DNAH8: variants seen among roughly 807,000 people sequenced by gnomAD.
DNAH8 encodes the protein dynein axonemal heavy chain 8, also known as axonemal beta dynein heavy chain 8.
A neutral mutation model predicts 562.1 loss-of-function variants in DNAH8; 382 were observed. The observed-to-expected ratio is 0.68, with a 90% confidence interval of 0.63 to 0.74. The LOEUF is 0.74. Among genes scored for constraint, DNAH8 ranks in the 30% least tolerant of loss-of-function variants. The pLI is 0.00. For synonymous variants in DNAH8, 1,881 were observed against 1,919.4 expected (o/e 0.98, Z 0.52); for missense variants, 5,203 against 5,620.4 (o/e 0.93, Z 2.37).
At position 38,722,807 on chromosome 6, in the gene DNAH8, G is replaced by C. The variant is rs745848921; in HGVS notation, c.-3G>C. 14 of 1,577,136 alleles carry C rather than the reference G, an allele frequency of 8.9e-6. No homozygotes were observed. The highest frequency in any genetic ancestry group is 8.2e-5 in the African/African-American group (6 of 73,082). ...AAGTATAAAGCATTCCGCACGACGG[G>C]GGATGGAGAAGGATGCTGAAGATGG... On this transcript the variant is annotated 5_prime_UTR_variant, in exon 2 of 93. Coordinates refer to ENST00000327475, the MANE Select transcript of DNAH8 (RefSeq NM_001206927.2).
At chr6:38,953,881 C>T (rs1453660412) in intron 82 of DNAH8, among the ~76,000 whole-genome samples, 1 of 146,826 alleles carries the variant, frequency 6.8e-6, no homozygotes, top group East Asian at 2.0e-4. Flanking sequence ...AAACTATGGT[C>T]TGGAGATAAG....
chr6:39,022,209 T>C (rs1766961826), intron 91 of DNAH8, among the ~76,000 whole-genome samples: 1 of 152,180 alleles, frequency 6.6e-6, no homozygotes, highest in South Asian at 2.1e-4. Context: ...TCTATAACTT[T>C]CATTAAGTGT....
Position 38,722,912 on chromosome 6 carries a change from C to T in DNAH8, c.103C>T (p.Arg35Cys), listed in dbSNP as rs750227332. ...CCGTTCAGAAGAGGAAGAGGCCCCG[C>T]GCCCTCCGACAGTGGAGGCCCCGGC... Reference protein sequence around the residue: ...PPRSEEEEAPRPPTVEAPAED... With the variant: ...PPRSEEEEAPCPPTVEAPAED... The change falls in exon 2 of 93, where the codon CGC becomes TGC. Residue 35 changes from arginine (R) to cysteine (C), a missense_variant. Transcript: ENST00000327475. 4 of 1,612,278 alleles carry T rather than the reference C, an allele frequency of 2.5e-6. No homozygotes were observed. Among genetic ancestry groups the T allele is most frequent in the Non-Finnish European group, 3.4e-6 (4 of 1,179,580 alleles).
In DNAH8 at chr6:38,721,684, T is replaced by C. The variant is rs142456300; in HGVS notation, c.-34-1092T>C. ...AAAGATAGGTCAGTTTGTCCTTGAGTAGGCCAACTAAGTGTATCAAACAAA... is the reference window on the plus strand; with the variant it reads ...AAAGATAGGTCAGTTTGTCCTTGAGCAGGCCAACTAAGTGTATCAAACAAA... On this transcript the variant is annotated intron_variant, in intron 1 of 92. Transcript: ENST00000327475. 2.6e-4 allele frequency among the ~76,000 whole-genome samples: 40 copies of C among 152,246 alleles called. No individual in the cohort carries two copies. The East Asian group carries it at 7.5e-3, about 29-fold the overall frequency.
At position 38,907,951 on chromosome 6, in the gene DNAH8, T is replaced by C; in HGVS notation, c.9349-5T>C. ...ACAGAACACTTCCTTGTCCATTCCTTAAAGATCTCCAACTTGTTTGCACGA... is the reference window on the plus strand; with the variant it reads ...ACAGAACACTTCCTTGTCCATTCCTCAAAGATCTCCAACTTGTTTGCACGA... On this transcript the variant is annotated splice_polypyrimidine_tract_variant and splice_region_variant and intron_variant, in intron 63 of 92. Transcript: ENST00000327475. 6.3e-7 allele frequency: 1 copy of C among 1,590,312 alleles called. No homozygotes were observed. The highest frequency in any genetic ancestry group is 8.5e-7 in the Non-Finnish European group (1 of 1,170,036).
intron 82 of DNAH8, among the ~76,000 whole-genome samples, chr6:38,952,376 A>T (rs1376513194): frequency 2.0e-5 from 3 of 152,146 alleles, no homozygotes; most frequent in Non-Finnish European, 4.4e-5. Flanking sequence ...GCCATCCTGT[A>T]AGAAGGACTG....
chr6:38,742,371 C>T (rs1369122402), intron 8 of DNAH8, among the ~76,000 whole-genome samples: 2 of 152,132 alleles, frequency 1.3e-5, no homozygotes, highest in African/African-American at 4.8e-5. Flanking sequence ...GTTCACAGCT[C>T]ACTGCAGCCT....
chr6:38,974,315 C>T (rs1763535420), intron 84 of DNAH8, 59 bp from the exon 85 acceptor site: 2 of 1,321,750 alleles, frequency 1.5e-6, no homozygotes, highest in South Asian at 2.9e-5. Context: ...ATTGTAATTT[C>T]TATTTTATTC....
intron 68 of DNAH8, 105 bp from the exon 69 acceptor site, chr6:38,917,134 T>C: frequency 1.3e-6 from 1 of 786,614 alleles, no homozygotes; most frequent in South Asian, 3.8e-5. Context: ...GGAGAGAAAA[T>C]ATGTTTTAAA....
At position 38,894,760 on chromosome 6, in the gene DNAH8, C is replaced by T. The variant is rs1779564527; in HGVS notation, c.8643C>T (p.Ser2881=). 1 of 1,613,840 alleles carries T rather than the reference C, an allele frequency of 6.2e-7. No homozygotes were observed. Among genetic ancestry groups the T allele is most frequent in the African/African-American group, 1.3e-5 (1 of 74,890 alleles). Residue 2881 remains serine (S), a synonymous_variant, in exon 59 of 93, where the codon TCC becomes TCT. Transcript: ENST00000327475. ...ACATCTTCAATCTTCGAGATCTTTC[C>T]AGAATTTGGCAAGGAATGTTGACCA... ...FHYIFNLRDL[S]RIWQGMLTIK... is the part of the protein sequence containing the mutation.
intron 3 of DNAH8, among the ~76,000 whole-genome samples, chr6:38,724,882 T>G (rs1763077989): frequency 6.6e-6 from 1 of 151,560 alleles, no homozygotes; most frequent in African/African-American, 2.4e-5. Flanking sequence ...AGAGTTGGGG[T>G]GAGGTGGGGT....
At chr6:38,885,705 G>A (rs1435284983) in intron 56 of DNAH8, among the ~76,000 whole-genome samples, 2 of 152,264 alleles carry the variant, frequency 1.3e-5, no homozygotes, top group South Asian at 2.1e-4. Flanking sequence ...TCTGCCTAGA[G>A]TGCTCTTCCC....
At chr6:38,913,440 A>G (rs778728236) in intron 66 of DNAH8, among the ~76,000 whole-genome samples, 2 of 152,242 alleles carry the variant, frequency 1.3e-5, no homozygotes, top group African/African-American at 2.4e-5. Context: ...AAAGAGAACC[A>G]CAAAAATGTT....
At chr6:38,957,072 C>A (rs1014904633) in intron 82 of DNAH8, among the ~76,000 whole-genome samples, 5 of 152,006 alleles carry the variant, frequency 3.3e-5, no homozygotes, top group African/African-American at 1.2e-4. Flanking sequence ...TACACACAGA[C>A]TGAAAATGAA....
intron 91 of DNAH8, among the ~76,000 whole-genome samples, chr6:39,013,120 C>T (rs1248607384): frequency 2.0e-5 from 3 of 152,040 alleles, no homozygotes; most frequent in Non-Finnish European, 4.4e-5. Context: ...TTTCTTTTTT[C>T]CTGAAAGAGT....
chr6:38,931,340 A>C (rs1782537903), intron 75 of DNAH8: 1 of 152,122 alleles, frequency 6.6e-6, no homozygotes, highest in Non-Finnish European at 1.5e-5. Flanking sequence ...AATTACATTA[A>C]CTTTTTCTGT....
Position 38,799,587 on chromosome 6 carries a change from AT to A in DNAH8, c.2902-3586del, listed in dbSNP as rs1273708622. Among the ~76,000 whole-genome samples the A allele has an allele frequency of 3.3e-5, 5 of 152,232 alleles. No individual in the cohort carries two copies. In the East Asian group the frequency reaches 9.6e-4, roughly 29 times the overall value. ...CAAATTATTTCTGGCACAAATTATTATTTTTTAGCAGCCTTATTGAGATAAA... is the reference window on the plus strand; with the variant it reads ...CAAATTATTTCTGGCACAAATTATTATTTTTAGCAGCCTTATTGAGATAAA... On this transcript the variant is annotated intron_variant, in intron 21 of 92. Coordinates refer to ENST00000327475, the MANE Select transcript of DNAH8 (RefSeq NM_001206927.2).
rs1315228198 is a variant in DNAH8, at chr6:39,024,793, T to G, written c.13715-1753T>G. Among the ~76,000 whole-genome samples the G allele has an allele frequency of 2.0e-5, 3 of 152,214 alleles. No homozygotes were observed. The East Asian group carries it at 5.8e-4, about 29-fold the overall frequency. The stretch of plus-strand genomic sequence containing the variant: ...CCACTACATTTCCTGCCTCCTATAC[T>G]TAACATTTTGTATCATAAAACCAGT... On this transcript the variant is annotated intron_variant, in intron 91 of 92. Coordinates refer to ENST00000327475, the MANE Select transcript of DNAH8 (RefSeq NM_001206927.2).
At chr6:38,763,543 G>C (rs367875487) in intron 11 of DNAH8, 153 of 210,312 alleles carry the variant, frequency 7.3e-4, no homozygotes, top group African/African-American at 3.5e-3. Flanking sequence ...GCCAGGCATA[G>C]TGGCTCATGT....
Sources: gnomAD v4.1 joint callset for allele counts (sites outside exome capture counted in the v4.1 genomes callset) on GRCh38, gnomAD v4.1.1 for gene constraint, MANE v1.5 for transcripts, NCBI Gene and HGNC (gene_info 2026-07-23, HGNC 2026-07-21) for gene names.